Variants in RPS6KC1 observed in about 807,000 individuals in gnomAD.
RPS6KC1 encodes the protein ribosomal protein S6 kinase C1, also known as inactive ribosomal protein S6 kinase delta-1.
Under a neutral mutation model 103.8 loss-of-function variants are expected in RPS6KC1, and 54 were observed. The observed-to-expected ratio is 0.52, with a 90% confidence interval of 0.42 to 0.65. The LOEUF (loss-of-function observed/expected upper bound fraction) is 0.65, where lower values mean the gene tolerates loss of function less well. RPS6KC1 is among the 30% of genes least tolerant of loss of function. RPS6KC1 has a pLI of 0.00. For missense variants in RPS6KC1, 1,151 were observed against 1,253.8 expected, an observed-to-expected ratio of 0.92 and a Z score of 1.24; for synonymous variants, 439 against 438.7, an observed-to-expected ratio of 1.00 and a Z score of -0.01.
the RPS6KC1 span, among the ~76,000 whole-genome samples, chr1:213,700,047 AG>A: frequency 6.6e-6 from 1 of 151,412 alleles, no homozygotes. Flanking sequence ...GAAGCTTTTT[AG>A]CTTGATGTGA....
intron 8 of RPS6KC1, among the ~76,000 whole-genome samples, chr1:213,216,287 A>G (rs557203929): frequency 2.0e-5 from 3 of 152,248 alleles, no homozygotes; most frequent in East Asian, 1.9e-4. Context: ...AGGCCATTAC[A>G]TAATGGTAAA....
intron 6 of RPS6KC1, among the ~76,000 whole-genome samples, chr1:213,153,242 TGGGGAG>T (rs1358291781): frequency 2.7e-5 from 3 of 111,460 alleles, no homozygotes; most frequent in Admixed American, 1.8e-4. Context: ...AGGGAGACCG[TGGGGAG>T]AGGGAGAGGG....
At chr1:213,415,174 T>C in the RPS6KC1 span, among the ~76,000 whole-genome samples, 5 of 152,230 alleles carry the variant, frequency 3.3e-5, no homozygotes, top group Admixed American at 3.3e-4. Flanking sequence ...CTCCTATGTT[T>C]CATCCAGGGG....
chr1:213,653,339 G>A, the RPS6KC1 span, among the ~76,000 whole-genome samples: 1 of 152,096 alleles, frequency 6.6e-6, no homozygotes, highest in East Asian at 1.9e-4. Context: ...CGCATCTGTA[G>A]TCCCAGCTAC....
the RPS6KC1 span, among the ~76,000 whole-genome samples, chr1:213,652,567 C>CTTTGT: frequency 7.2e-5 from 11 of 152,288 alleles, no homozygotes; most frequent in Admixed American, 3.3e-4. Flanking sequence ...TTTTGACAAG[C>CTTTGT]AAAATGCAAC....
chr1:213,107,049 C>A (rs369496466), intron 4 of RPS6KC1, among the ~76,000 whole-genome samples: 1 of 152,116 alleles, frequency 6.6e-6, no homozygotes, highest in South Asian at 2.1e-4. Flanking sequence ...TCAAGCTATT[C>A]TCCTGCCTCG....
the RPS6KC1 span, among the ~76,000 whole-genome samples, chr1:213,316,994 G>T: frequency 2.0e-5 from 3 of 152,092 alleles, no homozygotes; most frequent in African/African-American, 7.2e-5. Context: ...CAGGTGAGGG[G>T]TCTTATAGGA....
the RPS6KC1 span, among the ~76,000 whole-genome samples, chr1:213,331,856 C>G: frequency 6.6e-6 from 1 of 152,172 alleles, no homozygotes; most frequent in Non-Finnish European, 1.5e-5. Flanking sequence ...CTGCTGGCCT[C>G]CTCTCTCTGC....
intron 6 of RPS6KC1, among the ~76,000 whole-genome samples, chr1:213,131,241 A>G (rs758680222): frequency 1.3e-5 from 2 of 152,210 alleles, no homozygotes; most frequent in Non-Finnish European, 2.9e-5. Context: ...AGTTGCTTAT[A>G]TAACCATTTG....
the RPS6KC1 span, among the ~76,000 whole-genome samples, chr1:213,525,745 G>A: frequency 2.6e-5 from 4 of 152,274 alleles, no homozygotes; most frequent in East Asian, 7.7e-4. Context: ...GTCAGCCTTG[G>A]CAAATACAGG....
intron 3 of RPS6KC1, among the ~76,000 whole-genome samples, chr1:213,090,371 A>C (rs761922083): frequency 5.3e-5 from 8 of 152,192 alleles, no homozygotes; most frequent in Non-Finnish European, 7.3e-5. Context: ...CTTTGGTGTT[A>C]TGAATGTATC....
At chr1:213,136,296 C>T (rs936650458) in intron 6 of RPS6KC1, among the ~76,000 whole-genome samples, 6 of 152,150 alleles carry the variant, frequency 3.9e-5, no homozygotes, top group African/African-American at 9.7e-5. Flanking sequence ...GCCTGGCATG[C>T]GTCACATAGC....
In RPS6KC1 at chr1:213,252,226, T is replaced by A. The variant is rs539832257; in HGVS notation, c.2912-9332T>A. ...TTTTGTAATTCTAGTCCCTTTCAAT[T>A]AGCAACAGATGCTGCAGGGAAAGAT... is the stretch of plus-strand genomic sequence containing the variant. On this transcript the variant is annotated intron_variant, in intron 12 of 14. Transcript: ENST00000366960. Among the ~76,000 whole-genome samples, 7 of 152,332 alleles carry A rather than the reference T, an allele frequency of 4.6e-5. No individual in the cohort carries two copies. In the South Asian group the frequency reaches 1.4e-3, roughly 32 times the overall value.
At chr1:213,085,094 G>A (rs572561137) in intron 3 of RPS6KC1, among the ~76,000 whole-genome samples, 1 of 152,312 alleles carries the variant, frequency 6.6e-6, no homozygotes, top group African/African-American at 2.4e-5. Context: ...TGGTATCACT[G>A]GGCTGAAATC....
the RPS6KC1 span, among the ~76,000 whole-genome samples, chr1:213,784,107 C>T: frequency 5.9e-5 from 9 of 152,184 alleles, no homozygotes; most frequent in East Asian, 1.7e-3. Context: ...TAATTACCAG[C>T]TCACTTTCAC....
At chr1:213,608,615 G>A in the RPS6KC1 span, among the ~76,000 whole-genome samples, 14 of 151,806 alleles carry the variant, frequency 9.2e-5, no homozygotes, top group East Asian at 2.7e-3. Context: ...GATTATAAAA[G>A]TAATTCCTGA....
At chr1:213,388,428 A>G in the RPS6KC1 span, among the ~76,000 whole-genome samples, 3 of 152,258 alleles carry the variant, frequency 2.0e-5, no homozygotes, top group African/African-American at 7.2e-5. Flanking sequence ...GCCCCAGCCA[A>G]CAGCCACTCA....
the RPS6KC1 span, among the ~76,000 whole-genome samples, chr1:213,288,319 A>T: frequency 1.3e-5 from 2 of 152,234 alleles, no homozygotes; most frequent in African/African-American, 4.8e-5. Flanking sequence ...GTGGCATGAC[A>T]GTTGAAGCAA....
the RPS6KC1 span, among the ~76,000 whole-genome samples, chr1:213,545,496 C>T: frequency 6.6e-6 from 1 of 152,062 alleles, no homozygotes; most frequent in Non-Finnish European, 1.5e-5. Flanking sequence ...TGAGTCTTCT[C>T]CCTGTGCCTC....
Sources: gnomAD v4.1 joint callset for allele counts (sites outside exome capture counted in the v4.1 genomes callset) on GRCh38, gnomAD v4.1.1 for gene constraint, MANE v1.5 for transcripts, NCBI Gene and HGNC (gene_info 2026-07-23, HGNC 2026-07-21) for gene names.